The following SNX24 variants were observed in gnomAD, a reference collection of about 807,000 sequenced individuals.
The protein encoded by SNX24 is sorting nexin 24, also known as sorting nexin-24.
SNX24 carries 22 observed loss-of-function variants against 28.7 expected under a neutral mutation model. That is an observed-to-expected ratio of 0.77 (90% CI 0.55 to 1.10). The LOEUF (loss-of-function observed/expected upper bound fraction) is 1.10. SNX24 is among the 50% of genes least tolerant of loss of function. SNX24 has a pLI of 0.00. For synonymous variants in SNX24, 69 were observed against 71.5 expected (o/e 0.96, Z 0.18); for missense variants, 221 against 201.1 (o/e 1.10, Z -0.60).
At chr5:123,023,930 TTGA>T in intron 5 of SNX24, 2 of 1,614,122 alleles carry the variant, frequency 1.2e-6, no homozygotes, top group South Asian at 2.2e-5. Flanking sequence ...CTTGCCACTG[TTGA>T]TGATCGAGCA....
In SNX24 at chr5:122,964,102, G is replaced by A. The variant is rs140986448; in HGVS notation, c.249+17943G>A. Among the ~76,000 whole-genome samples, 468 of 151,776 alleles carry A rather than the reference G, an allele frequency of 3.1e-3. 3 individuals carry two copies. The highest frequency in any genetic ancestry group is 0.011 in the African/African-American group (452 of 41,356). ...CTTTAAAAATACAAAAATTAGCTGG[G>A]CGTGGTGGCAGCCGCCTGTAATCCC... On this transcript the variant is annotated intron_variant, in intron 3 of 6. Transcript: ENST00000261369.
At chr5:123,018,700 C>G (rs1199122434) in intron 5 of SNX24, among the ~76,000 whole-genome samples, 1 of 150,456 alleles carries the variant, frequency 6.6e-6, no homozygotes, top group Non-Finnish European at 1.5e-5. Context: ...TTTTTTTTTT[C>G]CTTTGACACA....
intron 1 of SNX24, among the ~76,000 whole-genome samples, chr5:122,930,271 C>A (rs1389905061): frequency 6.6e-6 from 1 of 152,220 alleles, no homozygotes; most frequent in African/African-American, 2.4e-5. Flanking sequence ...GGCAGTTCTA[C>A]ACCTTCAGTA....
chr5:122,962,331 T>C (rs11742739), intron 3 of SNX24, among the ~76,000 whole-genome samples: 1 of 152,236 alleles, frequency 6.6e-6, no homozygotes, highest in Non-Finnish European at 1.5e-5. Context: ...TTCAAATACA[T>C]TTTATTTTTC....
At chr5:122,920,816 C>G (rs1373239716) in intron 1 of SNX24, among the ~76,000 whole-genome samples, 1 of 152,164 alleles carries the variant, frequency 6.6e-6, no homozygotes, top group Non-Finnish European at 1.5e-5. Context: ...TATACATGTT[C>G]AATGCAGAAA....
chr5:122,890,519 G>C (rs1213016939), intron 1 of SNX24, among the ~76,000 whole-genome samples: 1 of 146,114 alleles, frequency 6.8e-6, no homozygotes, highest in Admixed American at 7.0e-5. Context: ...GCCCAGGCTG[G>C]AATGCAGTGG....
In SNX24 at chr5:123,008,347, T is replaced by C; in HGVS notation, c.*598T>C. On this transcript the variant is annotated 3_prime_UTR_variant, in exon 7 of 7. Transcript: ENST00000261369. ...CATTTTAATTTACATTAGAGTGGAG[T>C]TGCATCATACTCAGGGGTTAGCTTC... is the stretch of plus-strand genomic sequence containing the variant. The C allele has an allele frequency of 1.0e-6, 1 of 967,016 alleles. No homozygotes were observed. The highest frequency in any genetic ancestry group is 1.8e-5 in the African/African-American group (1 of 56,806). 59.9% of individuals were successfully genotyped at this position (967,016 alleles called of 1,614,324 possible).
At chr5:122,977,084 A>T (rs574712620) in intron 3 of SNX24, among the ~76,000 whole-genome samples, 1 of 152,054 alleles carries the variant, frequency 6.6e-6, no homozygotes, top group South Asian at 2.1e-4. Context: ...AGGAATGGTT[A>T]TTTTGCTTTG....
At chr5:122,884,057 A>G (rs993188401) in intron 1 of SNX24, among the ~76,000 whole-genome samples, 1 of 152,150 alleles carries the variant, frequency 6.6e-6, no homozygotes, top group South Asian at 2.1e-4. Flanking sequence ...AGCAAACACT[A>G]TTTGATTTAT....
At chr5:122,972,752 A>G (rs1761008541) in intron 3 of SNX24, among the ~76,000 whole-genome samples, 1 of 152,182 alleles carries the variant, frequency 6.6e-6, no homozygotes, top group African/African-American at 2.4e-5. Flanking sequence ...TGTTCTGGTA[A>G]GGACAAACCT....
chr5:122,919,169 C>T (rs1233107003), intron 1 of SNX24, among the ~76,000 whole-genome samples: 3 of 152,222 alleles, frequency 2.0e-5, no homozygotes, highest in African/African-American at 7.2e-5. Context: ...ATATTGACAA[C>T]ACTTCAAGTT....
chr5:123,001,302 A>G, intron 4 of SNX24, 103 bp from the exon 5 acceptor site: 1 of 749,432 alleles, frequency 1.3e-6, no homozygotes, highest in Non-Finnish European at 2.3e-6. Context: ...AATAACTACC[A>G]ATTCAGTCAT....
At chr5:122,863,635 T>C (rs1241065395) in intron 1 of SNX24, among the ~76,000 whole-genome samples, 1 of 151,852 alleles carries the variant, frequency 6.6e-6, no homozygotes, top group Admixed American at 6.6e-5. Flanking sequence ...CAGGCTGAAG[T>C]GATCCTCCAG....
chr5:123,024,043 A>G (rs1444046152), intron 5 of SNX24: 1 of 1,578,472 alleles, frequency 6.3e-7, no homozygotes, highest in Admixed American at 1.8e-5. Flanking sequence ...AATTCTGACC[A>G]GCAGCTATAG....
intron 3 of SNX24, among the ~76,000 whole-genome samples, chr5:122,993,493 G>A (rs1196214528): frequency 2.0e-5 from 3 of 151,996 alleles, no homozygotes; most frequent in African/African-American, 7.3e-5. Context: ...ATAGATACGG[G>A]GTTTCACTGT....
chr5:123,018,907 G>A (rs551638297), intron 5 of SNX24, among the ~76,000 whole-genome samples: 5 of 152,180 alleles, frequency 3.3e-5, no homozygotes, highest in South Asian at 4.2e-4. Context: ...GGCTGGTCTC[G>A]AACTCCTGAC....
intron 1 of SNX24, among the ~76,000 whole-genome samples, chr5:122,912,007 A>T (rs1316877258): frequency 7.9e-6 from 1 of 126,828 alleles, no homozygotes; most frequent in Non-Finnish European, 1.6e-5. Flanking sequence ...TTCTGTGAAG[A>T]AAGTCATTGG....
At chr5:123,023,805 A>AC in intron 5 of SNX24, 4 of 1,236,706 alleles carry the variant, frequency 3.2e-6, no homozygotes, top group Non-Finnish European at 3.2e-6. Flanking sequence ...GAAAGACAAC[A>AC]CAACACACAC....
intron 5 of SNX24, among the ~76,000 whole-genome samples, chr5:123,014,362 T>TTTTTTG (rs1491056694): frequency 8.1e-6 from 1 of 124,156 alleles, no homozygotes. Flanking sequence ...TTTTTTTTTT[T>TTTTTTG]GTAGAGACAG....
Sources: allele counts gnomAD v4.1 joint callset (sites outside exome capture counted in the v4.1 genomes callset), GRCh38; gene constraint gnomAD v4.1.1; transcripts MANE v1.5; gene names NCBI Gene and HGNC (gene_info 2026-07-23, HGNC 2026-07-21).